HSD17B2: variants seen among roughly 807,000 people sequenced by gnomAD.
The protein encoded by HSD17B2 is 17-beta-hydroxysteroid dehydrogenase type 2.
Under a neutral mutation model 26.9 loss-of-function variants are expected in HSD17B2, and 32 were observed. The observed-to-expected ratio is 1.19, with a 90% CI of 0.90 to 1.60. The LOEUF (loss-of-function observed/expected upper bound fraction) is 1.60, where lower values mean the gene tolerates loss of function less well. HSD17B2 is among the 40% of genes most tolerant of loss of function. The pLI, the probability that HSD17B2 is intolerant of heterozygous loss-of-function variation, is 0.00. For synonymous variants in HSD17B2, 246 were observed against 186.7 expected, an observed-to-expected ratio of 1.32 and a Z score of -2.59; for missense variants, 613 against 468.6, an observed-to-expected ratio of 1.31 and a Z score of -2.85.
chr16:82,043,014 G>C (rs1913809667), intron 1 of HSD17B2, among the ~76,000 whole-genome samples: 1 of 152,256 alleles, frequency 6.6e-6, no homozygotes, highest in Non-Finnish European at 1.5e-5. Flanking sequence ...TTCCTGCAGA[G>C]AGGAGCAGGC....
chr16:82,040,564 C>G (rs1008084685), intron 1 of HSD17B2, among the ~76,000 whole-genome samples: 6 of 152,162 alleles, frequency 3.9e-5, no homozygotes, highest in African/African-American at 1.4e-4. Flanking sequence ...GGTATTAGAC[C>G]ACAAAGGTTA....
rs1379495192 is a variant in HSD17B2 at position 82,035,664 on chromosome 16, G to C, written c.240G>C (p.Val80=). ...TATCTGGCCAAGAATTGTTACCTGT[G>C]GATCAGAAGGCAGTCCTGGTGACAG... The part of the protein sequence containing the change: ...TYLSGQELLP[V]DQKAVLVTGG... Residue 80 remains valine, a synonymous_variant, in exon 1 of 5, where the codon GTG becomes GTC. Transcript: ENST00000199936. The C allele has an allele frequency of 3.7e-6, 6 of 1,613,824 alleles. No individual in the cohort carries two copies. Among genetic ancestry groups the C allele is most frequent in the Admixed American group, 1.7e-5 (1 of 60,020 alleles).
intron 2 of HSD17B2, among the ~76,000 whole-genome samples, chr16:82,070,604 T>C (rs369916404): frequency 6.6e-6 from 1 of 152,256 alleles, no homozygotes; most frequent in Admixed American, 6.5e-5. Context: ...GTTCCCTATC[T>C]AAGCACCTTA....
chr16:82,059,545 G>A (rs1914372808), intron 1 of HSD17B2, among the ~76,000 whole-genome samples: 2 of 152,118 alleles, frequency 1.3e-5, no homozygotes, highest in African/African-American at 4.8e-5. Flanking sequence ...GATTGTAGTG[G>A]GATTGAGGAG....
At position 82,060,424 on chromosome 16, in the gene HSD17B2, C is replaced by T. The variant is rs1222362043; in HGVS notation, c.266-7746C>T. 2.6e-5 allele frequency among the ~76,000 whole-genome samples: 4 copies of T among 152,140 alleles called. No homozygotes were observed. In the East Asian group the frequency reaches 7.7e-4, roughly 29 times the overall value. On this transcript the variant is annotated intron_variant, in intron 1 of 4. Coordinates refer to ENST00000199936, the MANE Select transcript of HSD17B2 (RefSeq NM_002153.3). ...GAACCTTGTTTCTTCAAGTGCATAC[C>T]CCATCAGAGGGGGAGCCCCGGAGGT...
chr16:82,035,555 T>C lies in HSD17B2; in HGVS notation c.131T>C (p.Leu44Pro), dbSNP rs1399413870. Reference sequence around the variant, plus strand: ...AGCTGGATGGTCTGCCTGGCAGGCCTCTGTGCAGTCTGCCTGCTCATCCTG... The same window carrying C: ...AGCTGGATGGTCTGCCTGGCAGGCCCCTGTGCAGTCTGCCTGCTCATCCTG... ...LWSWMVCLAG[L>P]CAVCLLILSP... Residue 44 changes from leucine (L) to proline (P), a missense_variant, in exon 1 of 5, where the codon CTC (leucine) becomes CCC (proline). Leu to Pro is a moderately conservative substitution (Grantham distance 98, BLOSUM62 -3). Transcript: ENST00000199936. 6.2e-7 allele frequency: 1 copy of C among 1,614,112 alleles called. No homozygotes were observed. The highest frequency in any genetic ancestry group is 8.5e-7 in the Non-Finnish European group (1 of 1,180,036).
chr16:82,082,840 A>G (rs1904420311), intron 3 of HSD17B2, among the ~76,000 whole-genome samples: 2 of 152,194 alleles, frequency 1.3e-5, no homozygotes, highest in Non-Finnish European at 2.9e-5. Context: ...CCAATAACCT[A>G]TGTAATGTTG....
chr16:82,058,836 G>A (rs984582266), intron 1 of HSD17B2, among the ~76,000 whole-genome samples: 2 of 152,304 alleles, frequency 1.3e-5, no homozygotes, highest in South Asian at 4.1e-4. Flanking sequence ...GACAGATGGC[G>A]GGGCTCAGGG....
chr16:82,043,272 T>G (rs933233058), intron 1 of HSD17B2, among the ~76,000 whole-genome samples: 3 of 152,204 alleles, frequency 2.0e-5, no homozygotes, highest in Non-Finnish European at 4.4e-5. Flanking sequence ...AGGCAGGATC[T>G]GGCCACATGC....
At chr16:82,082,144 T>C (rs544164095) in intron 3 of HSD17B2, among the ~76,000 whole-genome samples, 13 of 152,258 alleles carry the variant, frequency 8.5e-5, no homozygotes, top group Non-Finnish European at 1.5e-5. Context: ...AAAGTTTGGC[T>C]CCTTTGTTTT....
chr16:82,055,939 G>A (rs1347699303), intron 1 of HSD17B2, among the ~76,000 whole-genome samples: 3 of 152,220 alleles, frequency 2.0e-5, no homozygotes, highest in African/African-American at 7.2e-5. Context: ...GGTGGAATGA[G>A]AAGTGTAAGC....
At chr16:82,042,111 T>C (rs1290456445) in intron 1 of HSD17B2, among the ~76,000 whole-genome samples, 1 of 152,062 alleles carries the variant, frequency 6.6e-6, no homozygotes, top group African/African-American at 2.4e-5. Flanking sequence ...CAAGCAATTC[T>C]CCTTGCCTCA....
At chr16:82,050,583 C>G (rs1291213971) in intron 1 of HSD17B2, among the ~76,000 whole-genome samples, 1 of 152,112 alleles carries the variant, frequency 6.6e-6, no homozygotes, top group Non-Finnish European at 1.5e-5. Context: ...GAATTCAAAC[C>G]CAAACTTTTG....
intron 4 of HSD17B2, chr16:82,094,198 A>C (rs1235760650): frequency 6.6e-6 from 1 of 152,190 alleles, no homozygotes; most frequent in Non-Finnish European, 1.5e-5. Context: ...AATGCAGCCC[A>C]GCAGGTCTCA....
intron 1 of HSD17B2, among the ~76,000 whole-genome samples, chr16:82,050,180 T>C (rs1914063804): frequency 6.6e-6 from 1 of 152,226 alleles, no homozygotes; most frequent in African/African-American, 2.4e-5. Context: ...TCTTGCGCTT[T>C]ATATGCTTGA....
At chr16:82,080,841 A>C (rs192422236) in intron 3 of HSD17B2, among the ~76,000 whole-genome samples, 1 of 152,218 alleles carries the variant, frequency 6.6e-6, no homozygotes, top group Non-Finnish European at 1.5e-5. Context: ...TCGCATTCCA[A>C]AAAGGCAGAG....
intron 1 of HSD17B2, among the ~76,000 whole-genome samples, chr16:82,047,634 G>A (rs1299602252): frequency 1.3e-5 from 2 of 152,196 alleles, no homozygotes; most frequent in Admixed American, 6.5e-5. Context: ...TGAGTTGGAA[G>A]GGCAAGCAGC....
At position 82,052,716 on chromosome 16, in the gene HSD17B2, T is replaced by C. The variant is rs553956198; in HGVS notation, c.266-15454T>C. On this transcript the variant is annotated intron_variant, in intron 1 of 4. Transcript: ENST00000199936. The stretch of plus-strand genomic sequence containing the variant: ...ATCCAGGGAAAAATATCCTTTCTCT[T>C]AGCTTGGGCAGTGTTGGGCAGTCTA... 5.9e-5 allele frequency among the ~76,000 whole-genome samples: 9 copies of C among 152,328 alleles called. No individual in the cohort carries two copies. In the South Asian group the frequency reaches 1.7e-3, roughly 28 times the overall value.
chr16:82,085,564 C>A (rs1255850722), intron 3 of HSD17B2, among the ~76,000 whole-genome samples: 1 of 151,310 alleles, frequency 6.6e-6, no homozygotes, highest in Non-Finnish European at 1.5e-5. Flanking sequence ...ACATGTCAGA[C>A]AAGGAGGGGC....
Sources: gnomAD v4.1 joint callset for allele counts (sites outside exome capture counted in the v4.1 genomes callset) on GRCh38, gnomAD v4.1.1 for gene constraint, MANE v1.5 for transcripts, NCBI Gene and HGNC (gene_info 2026-07-23, HGNC 2026-07-21) for gene names.